MSI2: variants seen among roughly 807,000 people sequenced by gnomAD.
MSI2 encodes musashi RNA binding protein 2.
MSI2 carries 17 observed loss-of-function variants against 45.6 expected under a neutral mutation model. The observed-to-expected ratio is 0.37, with a 90% confidence interval of 0.26 to 0.56. MSI2 has a LOEUF of 0.56. Ranked by LOEUF, MSI2 falls within the 20% of genes least tolerant of loss-of-function variation. The pLI, the probability that MSI2 is intolerant of heterozygous loss-of-function variation, is 0.77. For synonymous variants in MSI2, 156 were observed against 158.2 expected (o/e 0.99, Z 0.11); for missense variants, 293 against 444.2 (o/e 0.66, Z 3.06).
In MSI2 at chr17:57,508,907, A is replaced by G. The variant is rs188395827; in HGVS notation, c.406-20769A>G. Among the ~76,000 whole-genome samples, 174 of 152,314 alleles carry G rather than the reference A, an allele frequency of 1.1e-3. 1 individual carries two copies. Among genetic ancestry groups the G allele is most frequent in the South Asian group, 8.1e-3 (39 of 4,830 alleles). ...AGGCCACAAGGCTGTTCCGGGACCC[A>G]TTCATTAGAATAGAGTCCTCAAGTC... is the stretch of plus-strand genomic sequence containing the variant. On this transcript the variant is annotated intron_variant, in intron 6 of 13. Transcript: ENST00000284073.
At position 57,596,932 on chromosome 17, in the gene MSI2, T is replaced by C; in HGVS notation, c.519T>C (p.His173=). The C allele has an allele frequency of 6.2e-7, 1 of 1,612,330 alleles. No individual in the cohort carries two copies. Among genetic ancestry groups the C allele is most frequent in the African/African-American group, 1.3e-5 (1 of 75,002 alleles). Residue 173 remains histidine, a synonymous_variant, in exon 8 of 14, where the codon CAT becomes CAC. Coordinates refer to ENST00000284073, the MANE Select transcript of MSI2 (RefSeq NM_138962.4). The surrounding 1 kb of genome is among the most constrained non-coding windows in gnomAD (Gnocchi z 4.6). ...VVEKVCEIHF[H]EINNKMVECK... The stretch of plus-strand genomic sequence containing the variant: ...AGAAAGTCTGTGAGATTCATTTCCA[T>C]GAAATCAATAATAAAATGGTAAGTG...
At chr17:57,451,690 T>A (rs533795179) in intron 6 of MSI2, among the ~76,000 whole-genome samples, 1 of 152,278 alleles carries the variant, frequency 6.6e-6, no homozygotes, top group East Asian at 1.9e-4. Context: ...CTGTCTGAGA[T>A]TTAAGGTGGG....
chr17:57,257,544 C>T lies in MSI2; in HGVS notation c.182C>T (p.Ser61Phe). The change falls in exon 3 of 14, where the codon TCC becomes TTC. Residue 61 changes from serine (S) to phenylalanine (F), a missense_variant. Physicochemically the swap from Ser to Phe is radical, Grantham distance 155 (BLOSUM62 -2). Transcript: ENST00000284073. ...ATGAGAGATCCCACTACGAAACGCT[C>T]CAGGTAAACCATTCCCTTCTGGATT... ...MVMRDPTTKR[S>F]RGFGFVTFAD... 6.3e-7 allele frequency: 1 copy of T among 1,585,718 alleles called. No homozygotes were observed. The highest frequency in any genetic ancestry group is 8.6e-7 in the Non-Finnish European group (1 of 1,156,496).
intron 10 of MSI2, chr17:57,633,330 C>A: frequency 6.8e-6 from 2 of 292,842 alleles, no homozygotes; most frequent in Non-Finnish European, 1.0e-5. Flanking sequence ...TGTTCCCAGC[C>A]CTCCCTGCCT....
rs1286479749 is a variant in MSI2, at chr17:57,596,569, G to A, written c.455-299G>A. Among the ~76,000 whole-genome samples, 1 of 152,236 alleles carries A rather than the reference G, an allele frequency of 6.6e-6. No individual in the cohort carries two copies. Among genetic ancestry groups the A allele is most frequent in the African/African-American group, 2.4e-5 (1 of 41,458 alleles). On this transcript the variant is annotated intron_variant, in intron 7 of 13. Coordinates refer to ENST00000284073, the MANE Select transcript of MSI2 (RefSeq NM_138962.4). This position sits in a 1 kb window ranked among gnomAD's most constrained non-coding sequence, Gnocchi z 4.6. ...CCTGCTGCCGTGCACAGAGCCGCGG[G>A]GCTCTGACCCTTGTAAATAACAGAC...
chr17:57,420,883 A>G (rs1352309936), intron 6 of MSI2, among the ~76,000 whole-genome samples: 3 of 152,208 alleles, frequency 2.0e-5, no homozygotes, highest in Non-Finnish European at 4.4e-5. Flanking sequence ...GGCGGCCTGC[A>G]GTTCAGGCGC....
At chr17:57,338,109 A>C (rs1274052254) in intron 5 of MSI2, among the ~76,000 whole-genome samples, 2 of 152,122 alleles carry the variant, frequency 1.3e-5, no homozygotes, top group Admixed American at 1.3e-4. Context: ...TTTATTTTTG[A>C]GACAGAGTCT....
chr17:57,326,667 T>A (rs1347666312), intron 5 of MSI2, among the ~76,000 whole-genome samples: 1 of 152,212 alleles, frequency 6.6e-6, no homozygotes. Context: ...GGCTGTGTTC[T>A]AAATGCTTTA....
At chr17:57,564,890 C>T (rs1322912143) in intron 7 of MSI2, among the ~76,000 whole-genome samples, 6 of 152,170 alleles carry the variant, frequency 3.9e-5, no homozygotes, top group Non-Finnish European at 2.9e-5. Flanking sequence ...TACCTCTTGG[C>T]GCAATCGTGA....
intron 7 of MSI2, among the ~76,000 whole-genome samples, chr17:57,593,098 A>G (rs1396692796): frequency 1.3e-5 from 2 of 152,106 alleles, no homozygotes; most frequent in African/African-American, 4.8e-5. Context: ...GGTGGCACTG[A>G]CTTCATGTTC....
intron 8 of MSI2, among the ~76,000 whole-genome samples, chr17:57,610,075 T>C (rs1907080967): frequency 1.3e-5 from 2 of 152,246 alleles, no homozygotes; most frequent in South Asian, 2.1e-4. Flanking sequence ...ATGTTAAACG[T>C]ACTGAGACTG....
At chr17:57,320,145 TCCGA>T (rs1471684502) in intron 5 of MSI2, among the ~76,000 whole-genome samples, 4 of 152,178 alleles carry the variant, frequency 2.6e-5, no homozygotes. Context: ...TGAACTGTGT[TCCGA>T]TCGAAAGAAA....
intron 7 of MSI2, among the ~76,000 whole-genome samples, chr17:57,536,347 G>C (rs1412882629): frequency 6.6e-6 from 1 of 152,200 alleles, no homozygotes; most frequent in Non-Finnish European, 1.5e-5. Flanking sequence ...TGGCCAGAAA[G>C]GGCACAGTCC....
rs1906355637 is a variant in MSI2 at position 57,604,874 on chromosome 17, A to AG, written c.537+7924_537+7925insG. 2.0e-5 allele frequency among the ~76,000 whole-genome samples: 3 copies of AG among 148,848 alleles called. No individual in the cohort carries two copies. The South Asian group carries it at 6.4e-4, about 32-fold the overall frequency. On this transcript the variant is annotated intron_variant, in intron 8 of 13. Coordinates refer to ENST00000284073, the MANE Select transcript of MSI2 (RefSeq NM_138962.4). Reference sequence around the variant, plus strand: ...TGGCAAGGTGCCCAGTGATTGGCTCACCCCCCCACTCCTTCCAGCTGCTCC... The same window carrying AG: ...TGGCAAGGTGCCCAGTGATTGGCTCAGCCCCCCCACTCCTTCCAGCTGCTCC...
chr17:57,605,806 C>G (rs1211628542), intron 8 of MSI2, among the ~76,000 whole-genome samples: 1 of 152,254 alleles, frequency 6.6e-6, no homozygotes, highest in Non-Finnish European at 1.5e-5. Flanking sequence ...CAAGCCATAC[C>G]TTTTATTTTC....
intron 5 of MSI2, among the ~76,000 whole-genome samples, chr17:57,296,612 C>T (rs1910981122): frequency 6.6e-6 from 1 of 152,070 alleles, no homozygotes; most frequent in Non-Finnish European, 1.5e-5. Flanking sequence ...TATTTAAAAA[C>T]AAATAATATT....
intron 6 of MSI2, among the ~76,000 whole-genome samples, chr17:57,415,241 T>G (rs142003706): frequency 8.5e-5 from 13 of 152,204 alleles, no homozygotes; most frequent in African/African-American, 7.2e-5. Flanking sequence ...CCAACAACAT[T>G]AAGCCACAGC....
intron 6 of MSI2, among the ~76,000 whole-genome samples, chr17:57,464,009 G>A (rs2085282377): frequency 7.8e-6 from 1 of 128,246 alleles, no homozygotes; most frequent in East Asian, 2.3e-4. Context: ...GTGTGTGTGT[G>A]TGTGTGTGTG....
intron 12 of MSI2, among the ~76,000 whole-genome samples, chr17:57,676,255 C>A (rs1390150136): frequency 6.6e-6 from 1 of 152,178 alleles, no homozygotes; most frequent in Non-Finnish European, 1.5e-5. Context: ...CACACGCACA[C>A]AGACATGCAC....
Sources: allele counts gnomAD v4.1 joint callset (sites outside exome capture counted in the v4.1 genomes callset), GRCh38; gene constraint gnomAD v4.1.1; non-coding constraint Gnocchi (gnomAD v3.1); transcripts MANE v1.5; gene names NCBI Gene and HGNC (gene_info 2026-07-23, HGNC 2026-07-21).